Variants in ARHGAP20 observed in about 807,000 individuals in gnomAD.
ARHGAP20 encodes the protein rho GTPase-activating protein 20.
ARHGAP20 carries 34 observed loss-of-function variants against 73.7 expected under a neutral mutation model. That is an observed-to-expected ratio of 0.46 (90% CI 0.35 to 0.61). The LOEUF (loss-of-function observed/expected upper bound fraction) is 0.61. ARHGAP20 is among the 20% of genes least tolerant of loss of function. ARHGAP20 has a pLI of 0.00. For missense variants in ARHGAP20, 1,314 were observed against 1,420.9 expected, an observed-to-expected ratio of 0.92 and a Z score of 1.21; for synonymous variants, 523 against 518.2, an observed-to-expected ratio of 1.01 and a Z score of -0.13.
At chr11:110,608,832 G>A (rs1013498804) in intron 8 of ARHGAP20, 152 bp downstream of exon 8, 2 of 595,108 alleles carry the variant, frequency 3.4e-6, no homozygotes, top group Admixed American at 3.1e-5. Flanking sequence ...CTAGCACATA[G>A]TAAATCTTTG....
intron 2 of ARHGAP20, among the ~76,000 whole-genome samples, chr11:110,651,743 C>T (rs1264349851): frequency 7.6e-6 from 1 of 131,970 alleles, no homozygotes; most frequent in Non-Finnish European, 1.6e-5. Flanking sequence ...AACAGCCTAC[C>T]AACCAAAAAA....
intron 2 of ARHGAP20, among the ~76,000 whole-genome samples, chr11:110,689,751 G>A (rs549418392): frequency 1.2e-4 from 17 of 147,602 alleles, no homozygotes; most frequent in African/African-American, 2.4e-4. Flanking sequence ...GGGGAAAGGC[G>A]GTCTCATAAT....
rs200535574 is a variant in ARHGAP20 at position 110,579,858 on chromosome 11, C to T, written c.3088G>A (p.Val1030Ile). 1 of 1,614,110 alleles carries T rather than the reference C, an allele frequency of 6.2e-7. No individual in the cohort carries two copies. Among genetic ancestry groups the T allele is most frequent in the Non-Finnish European group, 8.5e-7 (1 of 1,180,048 alleles). ...TMEWHSQMHS[V>I]TLHPSTWLRN... is the part of the protein sequence containing the mutation. The stretch of plus-strand genomic sequence containing the variant: ...AACCATGTGCTGGGATGAAGAGTTA[C>T]AGAATGCATTTGTGAATGCCACTCC... Residue 1030 changes from valine (V) to isoleucine (I), a missense_variant, in exon 15 of 15, where the codon GTA becomes ATA. Coordinates refer to ENST00000683387, the MANE Select transcript of ARHGAP20 (RefSeq NM_001384657.1).
intron 9 of ARHGAP20, among the ~76,000 whole-genome samples, chr11:110,603,597 T>C (rs1948157643): frequency 6.6e-6 from 1 of 152,222 alleles, no homozygotes; most frequent in Non-Finnish European, 1.5e-5. Context: ...CAAACTACAG[T>C]TCGAGTAGTG....
intron 4 of ARHGAP20, 77 bp from the exon 5 acceptor site, chr11:110,615,671 C>T: frequency 2.2e-6 from 3 of 1,337,678 alleles, no homozygotes; most frequent in Non-Finnish European, 3.2e-6. Context: ...ATTGTCAATC[C>T]AGATGAAAAT....
rs1470320081 is a variant in ARHGAP20 at position 110,584,971 on chromosome 11, GAATATATATGTGAAAATATATA to G, written c.1415+1223_1416-1235del. 2.4e-3 allele frequency among the ~76,000 whole-genome samples: 110 copies of G among 45,486 alleles called. 1 individual carries two copies. The East Asian group carries it at 0.058, about 24-fold the overall frequency. The allele number at this position is 45,486 out of a possible 152,430, so 29.8% of individuals were successfully genotyped here. ...AATATATGAATATATGTGAATATAT[GAATATATATGTGAAAATATATA>G]TGAATATATGAATATGTATGTGAAC... On this transcript the variant is annotated intron_variant, in intron 12 of 14. Transcript: ENST00000683387.
chr11:110,649,237 G>C (rs1250409508), intron 2 of ARHGAP20, among the ~76,000 whole-genome samples: 3 of 71,272 alleles, frequency 4.2e-5, no homozygotes, highest in Admixed American at 2.0e-4. Context: ...AGGGGGTCTT[G>C]CTATGTTTCC....
rs185686892 is a variant in ARHGAP20, at chr11:110,668,749, G to A, written c.188+21798C>T. ...TTTATACATAACTTTTATATGCACT[G>A]GGAAACCAACAAATTCATGCAACTC... On this transcript the variant is annotated intron_variant, in intron 2 of 14. Coordinates refer to ENST00000683387, the MANE Select transcript of ARHGAP20 (RefSeq NM_001384657.1). 2.8e-3 allele frequency among the ~76,000 whole-genome samples: 423 copies of A among 152,282 alleles called. 4 individuals carry two copies. The highest frequency in any genetic ancestry group is 1.8e-3 in the Non-Finnish European group (124 of 68,014).
chr11:110,675,347 C>A (rs7126917), intron 2 of ARHGAP20, among the ~76,000 whole-genome samples: 2 of 152,154 alleles, frequency 1.3e-5, no homozygotes, highest in Non-Finnish European at 2.9e-5. Flanking sequence ...GTTTGCCATG[C>A]CTTTCTACAC....
At chr11:110,593,362 C>T (rs553056936) in intron 9 of ARHGAP20, among the ~76,000 whole-genome samples, 2 of 152,270 alleles carry the variant, frequency 1.3e-5, no homozygotes, top group Non-Finnish European at 2.9e-5. Flanking sequence ...TTTAAGGTTA[C>T]ACTTTTAAAA....
chr11:110,709,325 A>C (rs1950604733), intron 1 of ARHGAP20, among the ~76,000 whole-genome samples: 2 of 152,166 alleles, frequency 1.3e-5, no homozygotes, highest in South Asian at 4.1e-4. Context: ...CCCAACTAAT[A>C]TTTACGGAAA....
In ARHGAP20 at chr11:110,578,656, G is replaced by A. The variant is rs1947349990; in HGVS notation, c.*714C>T. 6.1e-6 allele frequency: 6 copies of A among 985,384 alleles called. No individual in the cohort carries two copies. Among genetic ancestry groups the A allele is most frequent in the Middle Eastern group, 5.2e-4 (1 of 1,914 alleles). The allele number at this position is 985,384 out of a possible 1,614,324, so 61.0% of individuals were successfully genotyped here. A position where few individuals can be genotyped will look rare whatever the true frequency, so the allele number is the denominator to read the frequency against. ...TTTTCTTCTTTCTCCTCACAACTCT[G>A]TTTCCTGAAGCCTTGCAAAGCACTT... On this transcript the variant is annotated 3_prime_UTR_variant, in exon 15 of 15. Coordinates refer to ENST00000683387, the MANE Select transcript of ARHGAP20 (RefSeq NM_001384657.1).
At chr11:110,651,772 G>T (rs1006215266) in intron 2 of ARHGAP20, among the ~76,000 whole-genome samples, 2 of 151,430 alleles carry the variant, frequency 1.3e-5, no homozygotes, top group African/African-American at 2.4e-5. Flanking sequence ...TAAAACCCCA[G>T]GACTAGACAG....
At position 110,578,143 on chromosome 11, in the gene ARHGAP20, A is replaced by G. The variant is rs536774740; in HGVS notation, c.*1227T>C. The G allele has an allele frequency of 3.0e-5, 30 of 985,474 alleles. No homozygotes were observed. The South Asian group carries it at 1.1e-3, about 37-fold the overall frequency. 61.0% of individuals were successfully genotyped at this position (985,474 alleles called of 1,614,324 possible). On this transcript the variant is annotated 3_prime_UTR_variant, in exon 15 of 15. Transcript: ENST00000683387. ...TACTGCTGCAACCTTTAAGTCAAGA[A>G]AGCAGAGAAAGAAAGGTCCATGGAT...
At chr11:110,601,998 AT>A (rs1017421289) in intron 9 of ARHGAP20, among the ~76,000 whole-genome samples, 5 of 142,794 alleles carry the variant, frequency 3.5e-5, no homozygotes, top group East Asian at 2.0e-4. Context: ...AAAAAAAAAA[AT>A]TTTACTGTCT....
chr11:110,693,965 A>T (rs1950289768), intron 1 of ARHGAP20, among the ~76,000 whole-genome samples: 1 of 151,914 alleles, frequency 6.6e-6, no homozygotes, highest in Admixed American at 6.6e-5. Flanking sequence ...TGACTTCATA[A>T]ATAGTGGATA....
intron 4 of ARHGAP20, among the ~76,000 whole-genome samples, chr11:110,618,331 A>G (rs1948531054): frequency 6.6e-6 from 1 of 152,230 alleles, no homozygotes; most frequent in African/African-American, 2.4e-5. Context: ...GTTTAAGATG[A>G]GTTTTAATTT....
intron 2 of ARHGAP20, among the ~76,000 whole-genome samples, chr11:110,655,532 G>A (rs1949446758): frequency 6.6e-6 from 1 of 152,100 alleles, no homozygotes; most frequent in South Asian, 2.1e-4. Context: ...GAAGTGCTTG[G>A]CCACAGGAAA....
chr11:110,661,821 T>C (rs1252520101), intron 2 of ARHGAP20, among the ~76,000 whole-genome samples: 3 of 152,096 alleles, frequency 2.0e-5, no homozygotes, highest in Non-Finnish European at 2.9e-5. Flanking sequence ...ACAACCCTTA[T>C]GAGGGAAAAG....
Sources: allele counts gnomAD v4.1 joint callset (sites outside exome capture counted in the v4.1 genomes callset), GRCh38; gene constraint gnomAD v4.1.1; transcripts MANE v1.5; gene names NCBI Gene and HGNC (gene_info 2026-07-23, HGNC 2026-07-21).